The following DPYD variants were observed in gnomAD, a reference collection of about 807,000 sequenced individuals.
DPYD encodes dihydropyrimidine dehydrogenase.
Under a neutral mutation model 116.2 loss-of-function variants are expected in DPYD, and 109 were observed. That is an observed-to-expected ratio of 0.94 (90% CI 0.80 to 1.10). The LOEUF (loss-of-function observed/expected upper bound fraction) is 1.10, where lower values mean the gene tolerates loss of function less well. Ranked by LOEUF, DPYD falls within the 50% of genes least tolerant of loss-of-function variation. The probability of loss-of-function intolerance (pLI) is 0.00; values close to 1 mark genes in which losing one functional copy is unlikely to be tolerated. For synonymous variants in DPYD, 440 were observed against 432.0 expected (o/e 1.02, Z -0.23); for missense variants, 1,302 against 1,254.5 (o/e 1.04, Z -0.57).
intron 14 of DPYD, among the ~76,000 whole-genome samples, chr1:97,399,506 G>T (rs916693584): frequency 2.0e-5 from 3 of 152,094 alleles, no homozygotes; most frequent in Non-Finnish European, 4.4e-5. Context: ...TAGCTTGATG[G>T]GGATGGCATT....
chr1:97,147,349 AAAAC>A (rs370474663), intron 20 of DPYD, among the ~76,000 whole-genome samples: 28,861 of 151,584 alleles, frequency 0.19, 2,936 homozygotes, highest in Middle Eastern at 0.27. Flanking sequence ...TCTGTCTCAA[AAAAC>A]AAACAAACAA....
chr1:97,279,686 T>A (rs1251736246), intron 18 of DPYD, among the ~76,000 whole-genome samples: 1 of 152,112 alleles, frequency 6.6e-6, no homozygotes, highest in Non-Finnish European at 1.5e-5. Flanking sequence ...ATTTTTGTAT[T>A]TTTAGTAGAG....
chr1:97,600,351 T>C (rs1159580613), intron 8 of DPYD, among the ~76,000 whole-genome samples: 2 of 152,218 alleles, frequency 1.3e-5, no homozygotes, highest in Non-Finnish European at 2.9e-5. Context: ...AGGGACAGTA[T>C]TAAAATATAC....
intron 7 of DPYD, among the ~76,000 whole-genome samples, chr1:97,680,759 T>C (rs1456176915): frequency 6.6e-6 from 1 of 152,138 alleles, no homozygotes; most frequent in Non-Finnish European, 1.5e-5. Flanking sequence ...CTGGAAACTG[T>C]TAAGATATCT....
chr1:97,176,396 C>T (rs1557914528), intron 20 of DPYD, among the ~76,000 whole-genome samples: 2 of 152,136 alleles, frequency 1.3e-5, no homozygotes, highest in South Asian at 4.1e-4. Context: ...TGCTGTCATG[C>T]TCCCCTGGTC....
intron 18 of DPYD, among the ~76,000 whole-genome samples, chr1:97,268,758 T>G (rs1241597422): frequency 6.6e-6 from 1 of 152,150 alleles, no homozygotes; most frequent in South Asian, 2.1e-4. Context: ...GCCTTCAATG[T>G]CCTACCTAAC....
intron 5 of DPYD, among the ~76,000 whole-genome samples, chr1:97,714,026 A>G (rs1557901930): frequency 6.6e-6 from 1 of 152,148 alleles, no homozygotes; most frequent in Non-Finnish European, 1.5e-5. Flanking sequence ...TCTTAGTTAT[A>G]GATTACAAAA....
intron 14 of DPYD, among the ~76,000 whole-genome samples, chr1:97,404,666 T>G (rs1381734680): frequency 6.6e-6 from 1 of 152,124 alleles, no homozygotes; most frequent in South Asian, 2.1e-4. Context: ...TTACTTATAA[T>G]CTATGTGTTT....
intron 18 of DPYD, among the ~76,000 whole-genome samples, chr1:97,272,079 T>C (rs1012191601): frequency 2.0e-5 from 3 of 152,192 alleles, no homozygotes; most frequent in African/African-American, 7.2e-5. Context: ...TTTGAACGCC[T>C]GTGAAAGGTC....
At chr1:97,584,648 A>ATG (rs1653954034) in intron 10 of DPYD, among the ~76,000 whole-genome samples, 1 of 151,884 alleles carries the variant, frequency 6.6e-6, no homozygotes, top group African/African-American at 2.4e-5. Context: ...TGTCCTTTGC[A>ATG]GGGACATGGA....
chr1:97,148,239 T>G (rs1257919759), intron 20 of DPYD, among the ~76,000 whole-genome samples: 1 of 35,476 alleles, frequency 2.8e-5, no homozygotes, highest in Non-Finnish European at 4.8e-5. Flanking sequence ...ATGTGTAGGG[T>G]GTGTGTGTGT....
chr1:97,099,725 G>A (rs548492154), intron 20 of DPYD, among the ~76,000 whole-genome samples: 3 of 152,172 alleles, frequency 2.0e-5, no homozygotes, highest in Non-Finnish European at 4.4e-5. Context: ...GACCTAGCAA[G>A]TATTTTGGTG....
intron 13 of DPYD, among the ~76,000 whole-genome samples, chr1:97,493,469 T>C (rs1679079648): frequency 6.6e-6 from 1 of 152,200 alleles, no homozygotes; most frequent in South Asian, 2.1e-4. Context: ...ATCAGGGTCA[T>C]TGCCTTCTCC....
chr1:97,870,726 T>C (rs920610262), intron 2 of DPYD, among the ~76,000 whole-genome samples: 2 of 151,852 alleles, frequency 1.3e-5, no homozygotes, highest in African/African-American at 2.4e-5. Context: ...GTGAGCTCTA[T>C]GGAGTGCAGC....
intron 20 of DPYD, among the ~76,000 whole-genome samples, chr1:97,159,669 CA>C (rs1360955956): frequency 4.6e-5 from 7 of 151,976 alleles, no homozygotes; most frequent in East Asian, 1.9e-4. Flanking sequence ...AGAAACTATT[CA>C]GGGGGCAATT....
At chr1:97,545,865 TAGAC>T in intron 12 of DPYD, 1 of 1,080,094 alleles carries the variant, frequency 9.3e-7, no homozygotes, top group Non-Finnish European at 1.4e-6. Flanking sequence ...AGGACAATCT[TAGAC>T]AGGTTTCTAA....
chr1:97,554,241 A>G (rs925382148), intron 11 of DPYD, among the ~76,000 whole-genome samples: 3 of 152,162 alleles, frequency 2.0e-5, no homozygotes, highest in African/African-American at 4.8e-5. Flanking sequence ...CATATGTAAA[A>G]GAGAAACCCA....
chr1:97,778,629 C>T (rs962742538), intron 3 of DPYD, among the ~76,000 whole-genome samples: 7 of 152,078 alleles, frequency 4.6e-5, no homozygotes, highest in Non-Finnish European at 1.0e-4. Flanking sequence ...TATCTTAAAA[C>T]ATGTAAACTC....
chr1:97,555,141 G>A (rs1651599298), intron 11 of DPYD, among the ~76,000 whole-genome samples: 1 of 152,062 alleles, frequency 6.6e-6, no homozygotes, highest in Non-Finnish European at 1.5e-5. Flanking sequence ...GCATCCAACA[G>A]TTGAATGGCA....
Sources: gnomAD v4.1 joint callset for allele counts (sites outside exome capture counted in the v4.1 genomes callset) on GRCh38, gnomAD v4.1.1 for gene constraint, MANE v1.5 for transcripts, NCBI Gene and HGNC (gene_info 2026-07-23, HGNC 2026-07-21) for gene names.